Variants in MUCL1 observed in about 807,000 individuals in gnomAD.
MUCL1 encodes the protein mucin-like protein 1.
Under a neutral mutation model 9.2 loss-of-function variants are expected in MUCL1, and 11 were observed. The ratio of observed to expected loss-of-function variants is 1.19; its 90% CI spans 0.75 to 1.97. The LOEUF (loss-of-function observed/expected upper bound fraction) is 1.97, where lower values mean the gene tolerates loss of function less well. Ranked by LOEUF, MUCL1 falls within the 30% of genes most tolerant of loss-of-function variation. The pLI is 0.00. For synonymous variants in MUCL1, 48 were observed against 40.5 expected (o/e 1.19, Z -0.71); for missense variants, 144 against 110.9 (o/e 1.30, Z -1.34).
upstream of MUCL1, chr12:54,854,451 C>T (rs1390993557): frequency 1.5e-6 from 1 of 655,862 alleles, no homozygotes; most frequent in Non-Finnish European, 2.6e-6. Context: ...AACCTGGATT[C>T]TGGTTGACAG....
chr12:54,840,725 C>T (rs1959206548), intron 1 of MUCL1, among the ~76,000 whole-genome samples: 1 of 152,192 alleles, frequency 6.6e-6, no homozygotes, highest in South Asian at 2.1e-4. Context: ...GGGCAGTTCT[C>T]TGGCTGCTGG....
chr12:54,854,224 A>G (rs1338837323), upstream of MUCL1, among the ~76,000 whole-genome samples: 1 of 152,212 alleles, frequency 6.6e-6, no homozygotes, highest in African/African-American at 2.4e-5. Context: ...GGCATCTCCA[A>G]CCTGTCATAG....
At chr12:54,853,164 A>C (rs1565778344), upstream of MUCL1, among the ~76,000 whole-genome samples, 1 of 152,182 alleles carries the variant, frequency 6.6e-6, no homozygotes, top group Non-Finnish European at 1.5e-5. Flanking sequence ...AGATCCTTCC[A>C]ATGAGGGTAT....
intron 1 of MUCL1, among the ~76,000 whole-genome samples, chr12:54,841,032 C>T (rs773886375): frequency 6.6e-6 from 1 of 151,824 alleles, no homozygotes; most frequent in Non-Finnish European, 1.5e-5. Context: ...TACTCTCTGC[C>T]TCTATGAGTT....
chr12:54,856,653 T>A (rs1868301624), intron 2 of MUCL1, 117 bp from the exon 3 acceptor site: 1 of 1,368,244 alleles, frequency 7.3e-7, no homozygotes. Flanking sequence ...AAGACAGAAC[T>A]GATGACAGAT....
At chr12:54,840,820 C>A (rs1959206949) in intron 1 of MUCL1, among the ~76,000 whole-genome samples, 1 of 152,084 alleles carries the variant, frequency 6.6e-6, no homozygotes, top group Non-Finnish European at 1.5e-5. Flanking sequence ...TGGCAGTAAA[C>A]CCCACCCAGC....
upstream of MUCL1, among the ~76,000 whole-genome samples, chr12:54,836,056 A>G (rs1331152658): frequency 6.6e-6 from 1 of 151,808 alleles, no homozygotes; most frequent in Non-Finnish European, 1.5e-5. Flanking sequence ...TTTTGTTGTT[A>G]TGTCCTCTTC....
upstream of MUCL1, among the ~76,000 whole-genome samples, chr12:54,853,059 T>G (rs979523): frequency 1.3e-3 from 195 of 151,788 alleles, 3 homozygotes; most frequent in African/African-American, 4.6e-3. Flanking sequence ...GATGGGGACC[T>G]CTTAGCATGT....
chr12:54,832,749 A>G (rs1409417095), intron 1 of MUCL1, among the ~76,000 whole-genome samples: 1 of 152,094 alleles, frequency 6.6e-6, no homozygotes, highest in Non-Finnish European at 1.5e-5. Context: ...TCTGGTAAAA[A>G]TAATTTATAT....
rs755513344 is a variant in MUCL1 at position 54,858,237 on chromosome 12, C to T, written c.268C>T (p.Pro90Ser). The part of the protein sequence containing the change: ...VGDLPNGRVC[P>S] ...GGATCTCCCGAATGGTAGAGTGTGTCCCTGAGATGGAATCAGCTTGAGTCT... is the reference window on the plus strand; with the variant it reads ...GGATCTCCCGAATGGTAGAGTGTGTTCCTGAGATGGAATCAGCTTGAGTCT... The change falls in exon 4 of 4, where the codon CCC becomes TCC. Residue 90 changes from proline (P) to serine (S), a missense_variant. Physicochemically the swap from Pro to Ser is moderately conservative, Grantham distance 74. Transcript: ENST00000308796. The T allele has an allele frequency of 4.3e-6, 7 of 1,613,446 alleles. No individual in the cohort carries two copies. The highest frequency in any genetic ancestry group is 5.1e-6 in the Non-Finnish European group (6 of 1,179,566).
At chr12:54,852,245 G>T (rs1868256235), upstream of MUCL1, among the ~76,000 whole-genome samples, 2 of 152,142 alleles carry the variant, frequency 1.3e-5, no homozygotes, top group African/African-American at 4.8e-5. Context: ...CACACTACCT[G>T]ACTTCAAACT....
At chr12:54,834,437 G>A (rs1274362189), upstream of MUCL1, among the ~76,000 whole-genome samples, 1 of 151,800 alleles carries the variant, frequency 6.6e-6, no homozygotes, top group Non-Finnish European at 1.5e-5. Flanking sequence ...CTCATCACAA[G>A]CCATACTCTT....
upstream of MUCL1, among the ~76,000 whole-genome samples, chr12:54,849,703 C>G (rs571540784): frequency 6.6e-6 from 1 of 151,710 alleles, no homozygotes; most frequent in South Asian, 2.1e-4. Context: ...ATATAACATG[C>G]CCTATATATA....
chr12:54,857,041 A>G, intron 3 of MUCL1, 149 bp downstream of exon 3: 12 of 1,234,220 alleles, frequency 9.7e-6, no homozygotes, highest in Non-Finnish European at 1.3e-5. Flanking sequence ...AGTCAAGTCA[A>G]CAGATAAATA....
At chr12:54,851,319 C>A (rs2135944775), upstream of MUCL1, among the ~76,000 whole-genome samples, 1 of 152,158 alleles carries the variant, frequency 6.6e-6, no homozygotes, top group South Asian at 2.1e-4. Context: ...TTTAAATCAT[C>A]TTAAATTAAT....
upstream of MUCL1, among the ~76,000 whole-genome samples, chr12:54,836,036 A>G (rs1175983926): frequency 6.6e-6 from 1 of 152,004 alleles, no homozygotes; most frequent in Non-Finnish European, 1.5e-5. Context: ...ATTGGTCTGT[A>G]GTTTTCTTTT....
At chr12:54,855,385 A>G (rs982165329) in intron 2 of MUCL1, 8 of 520,764 alleles carry the variant, frequency 1.5e-5, no homozygotes, top group African/African-American at 9.5e-5. Context: ...GACTTATACA[A>G]ATGTGGACTT....
At chr12:54,851,764 C>A (rs892754719), upstream of MUCL1, among the ~76,000 whole-genome samples, 9 of 152,124 alleles carry the variant, frequency 5.9e-5, no homozygotes, top group African/African-American at 1.9e-4. Context: ...AAAACCCCAT[C>A]GTCTCAGCCC....
chr12:54,852,373 C>A (rs1868258002), upstream of MUCL1, among the ~76,000 whole-genome samples: 1 of 152,190 alleles, frequency 6.6e-6, no homozygotes, highest in Non-Finnish European at 1.5e-5. Flanking sequence ...ACCATCTGAT[C>A]TTTGAGAAAC....
Sources: allele counts gnomAD v4.1 joint callset (sites outside exome capture counted in the v4.1 genomes callset), GRCh38; gene constraint gnomAD v4.1.1; transcripts MANE v1.5; gene names NCBI Gene and HGNC (gene_info 2026-07-23, HGNC 2026-07-21).